NPFFR2: variants seen among roughly 807,000 people sequenced by gnomAD.
The protein encoded by NPFFR2 is G-protein coupled receptor 74.
NPFFR2 carries 15 observed loss-of-function variants against 13.1 expected under a neutral mutation model. The observed-to-expected ratio is 1.15, with a 90% CI of 0.77 to 1.76. The LOEUF (loss-of-function observed/expected upper bound fraction) is 1.76, where lower values mean the gene tolerates loss of function less well. Among genes scored for constraint, NPFFR2 ranks in the 40% most tolerant of loss-of-function variants. The pLI is 0.00. For missense variants in NPFFR2, 572 were observed against 503.5 expected (o/e 1.14, Z -1.30); for synonymous variants, 190 against 175.7 (o/e 1.08, Z -0.65).
At chr4:72,095,854 A>AG (rs1226452367) in intron 1 of NPFFR2, among the ~76,000 whole-genome samples, 1 of 152,204 alleles carries the variant, frequency 6.6e-6, no homozygotes, top group African/African-American at 2.4e-5. Flanking sequence ...TCTGCTCCGT[A>AG]GCCTCAAAAC....
intron 1 of NPFFR2, among the ~76,000 whole-genome samples, chr4:72,110,266 G>A (rs1721529150): frequency 1.3e-5 from 2 of 152,012 alleles, no homozygotes; most frequent in South Asian, 2.1e-4. Context: ...TGTGAAGAAA[G>A]ACATGTTTGC....
At chr4:72,079,686 G>T (rs949047695) in intron 1 of NPFFR2, among the ~76,000 whole-genome samples, 8 of 152,114 alleles carry the variant, frequency 5.3e-5, no homozygotes, top group African/African-American at 1.9e-4. Flanking sequence ...TAGATAGGGG[G>T]ACAGTATGTT....
At chr4:72,036,061 C>G (rs1379658814) in intron 1 of NPFFR2, among the ~76,000 whole-genome samples, 1 of 152,122 alleles carries the variant, frequency 6.6e-6, no homozygotes, top group African/African-American at 2.4e-5. Context: ...CAAAGCCAAA[C>G]GAGATCAAAA....
chr4:72,100,926 G>A (rs978503883), intron 1 of NPFFR2, among the ~76,000 whole-genome samples: 1 of 151,914 alleles, frequency 6.6e-6, no homozygotes, highest in African/African-American at 2.4e-5. Flanking sequence ...GAAGGTATAG[G>A]AAGTATCTTT....
At chr4:72,131,251 G>T (rs1022328090) in intron 2 of NPFFR2, among the ~76,000 whole-genome samples, 1 of 152,060 alleles carries the variant, frequency 6.6e-6, no homozygotes, top group Non-Finnish European at 1.5e-5. Flanking sequence ...CAAGCTTGAA[G>T]GTGGAGTCCT....
intron 3 of NPFFR2, among the ~76,000 whole-genome samples, chr4:72,145,791 AT>A (rs1196331066): frequency 6.6e-6 from 1 of 152,340 alleles, no homozygotes; most frequent in South Asian, 2.1e-4. Flanking sequence ...GAATGTAACA[AT>A]TTTCATAACA....
intron 2 of NPFFR2, among the ~76,000 whole-genome samples, chr4:72,134,694 A>G (rs144955382): frequency 2.0e-4 from 31 of 152,274 alleles, no homozygotes; most frequent in Non-Finnish European, 3.4e-4. Context: ...TGTATCCTCA[A>G]ATTCTCTTCC....
At chr4:72,104,170 G>A (rs1351441323) in intron 1 of NPFFR2, among the ~76,000 whole-genome samples, 2 of 152,000 alleles carry the variant, frequency 1.3e-5, no homozygotes, top group South Asian at 2.1e-4. Context: ...TAGGTCTTTC[G>A]ATTTCTGCAG....
intron 2 of NPFFR2, among the ~76,000 whole-genome samples, chr4:72,132,330 C>T (rs1016151730): frequency 6.6e-6 from 1 of 152,208 alleles, no homozygotes. Context: ...GACATGAGCT[C>T]ATTCTTTCTT....
rs1722807450 is a variant in NPFFR2, at chr4:72,147,162, T to C, written c.613T>C (p.Trp205Arg). The change falls in exon 4 of 4, where the codon TGG (tryptophan) becomes CGG (arginine). Residue 205 changes from tryptophan (W) to arginine (R), a missense_variant. Physicochemically the swap from Trp to Arg is moderately radical, Grantham distance 101 (BLOSUM62 -3). Transcript: ENST00000308744. ...NSQNKTSPVY[W>R]CREDWPNQEM... ...CCAGAATAAAACCAGTCCAGTCTAC[T>C]GGTGCCGGGAAGACTGGCCAAATCA... 3 of 1,614,034 alleles carry C rather than the reference T, an allele frequency of 1.9e-6. No individual in the cohort carries two copies. In the South Asian group the frequency reaches 3.3e-5, roughly 18 times the overall value.
intron 1 of NPFFR2, among the ~76,000 whole-genome samples, chr4:72,064,213 T>C (rs1720003240): frequency 6.6e-6 from 1 of 152,252 alleles, no homozygotes; most frequent in Non-Finnish European, 1.5e-5. Flanking sequence ...TCACAGTTTC[T>C]GTGGGTCAGG....
chr4:72,086,747 A>G (rs1041446525), intron 1 of NPFFR2, among the ~76,000 whole-genome samples: 1 of 152,086 alleles, frequency 6.6e-6, no homozygotes, highest in African/African-American at 2.4e-5. Context: ...ATCCCCTTAA[A>G]TAAAAAATAT....
Position 72,147,438 on chromosome 4 carries a change from T to G in NPFFR2, c.889T>G (p.Ser297Ala), listed in dbSNP as rs1722820241. ...GCCCCTGTGGACTCTAATGATGCTC[T>G]CAGACTACGCTGACCTTTCTCCAAA... ...WLPLWTLMML[S>A]DYADLSPNEL... Residue 297 changes from serine (S) to alanine (A), a missense_variant, in exon 4 of 4, where the codon TCA becomes GCA. Ser to Ala is a moderately conservative substitution (Grantham distance 99). Coordinates refer to ENST00000308744, the MANE Select transcript of NPFFR2 (RefSeq NM_004885.3). 1.2e-6 allele frequency: 2 copies of G among 1,614,210 alleles called. No homozygotes were observed. The highest frequency in any genetic ancestry group is 8.5e-7 in the Non-Finnish European group (1 of 1,180,034).
At chr4:72,069,956 A>G (rs1720197387) in intron 1 of NPFFR2, among the ~76,000 whole-genome samples, 1 of 152,128 alleles carries the variant, frequency 6.6e-6, no homozygotes, top group Non-Finnish European at 1.5e-5. Context: ...TTCATGTTCT[A>G]TGTATATCAA....
chr4:72,068,790 G>C (rs183700873), intron 1 of NPFFR2: 75 of 363,110 alleles, frequency 2.1e-4, no homozygotes, highest in East Asian at 1.9e-3. Flanking sequence ...CTAGAGAATA[G>C]AACTTAATAA....
In NPFFR2 at chr4:72,135,880, A is replaced by T. The variant is rs369246645; in HGVS notation, c.329-2160A>T. Among the ~76,000 whole-genome samples, 20 of 151,830 alleles carry T rather than the reference A, an allele frequency of 1.3e-4. No individual in the cohort carries two copies. In the East Asian group the frequency reaches 1.9e-3, roughly 15 times the overall value. On this transcript the variant is annotated intron_variant, in intron 2 of 3. Transcript: ENST00000308744. Reference sequence around the variant, plus strand: ...TTTATGGGGTACATATGATGTTTTGATATAGGCATATAATGTGTAATAATC... The same window carrying T: ...TTTATGGGGTACATATGATGTTTTGTTATAGGCATATAATGTGTAATAATC...
intron 1 of NPFFR2, among the ~76,000 whole-genome samples, chr4:72,067,064 C>T (rs1350419869): frequency 6.6e-6 from 1 of 152,128 alleles, no homozygotes; most frequent in African/African-American, 2.4e-5. Flanking sequence ...TCTCCCTGGG[C>T]CCCGATCCTC....
intron 1 of NPFFR2, among the ~76,000 whole-genome samples, chr4:72,070,334 ATATT>A: frequency 6.6e-6 from 1 of 152,338 alleles, no homozygotes; most frequent in South Asian, 2.1e-4. Context: ...AGGTTTGACA[ATATT>A]TATTTGTGAA....
At chr4:72,102,332 A>G (rs1578456233) in intron 1 of NPFFR2, among the ~76,000 whole-genome samples, 1 of 152,136 alleles carries the variant, frequency 6.6e-6, no homozygotes. Flanking sequence ...AAATCTTTCA[A>G]TAAATTAATA....
Sources: gnomAD v4.1 joint callset for allele counts (sites outside exome capture counted in the v4.1 genomes callset) on GRCh38, gnomAD v4.1.1 for gene constraint, MANE v1.5 for transcripts, NCBI Gene and HGNC (gene_info 2026-07-23, HGNC 2026-07-21) for gene names.